Variants in COL6A3 observed in about 807,000 individuals in gnomAD.
COL6A3 encodes collagen alpha-3(VI) chain.
A neutral mutation model predicts 274.1 loss-of-function variants in COL6A3; 137 were observed. That is an observed-to-expected ratio of 0.50 (90% CI 0.44 to 0.58). The LOEUF (loss-of-function observed/expected upper bound fraction) is 0.58. COL6A3 is among the 20% of genes least tolerant of loss of function. The pLI, the probability that COL6A3 is intolerant of heterozygous loss-of-function variation, is 0.00. For missense variants in COL6A3, 3,950 were observed against 4,124.9 expected (o/e 0.96, Z 1.16); for synonymous variants, 1,650 against 1,650.6 (o/e 1.00, Z 0.01).
chr2:237,375,401 T>C (rs1377216571), intron 7 of COL6A3, among the ~76,000 whole-genome samples: 3 of 152,204 alleles, frequency 2.0e-5, no homozygotes, highest in African/African-American at 4.8e-5. Context: ...GGTGAGCAGA[T>C]GAAGAATCCC....
In COL6A3 at chr2:237,374,780, G is replaced by A. The variant is rs371991808; in HGVS notation, c.3311C>T (p.Pro1104Leu). Residue 1104 changes from proline to leucine, a missense_variant, in exon 8 of 44, where the codon CCG (proline) becomes CTG (leucine). Physicochemically the swap from Pro to Leu is moderately conservative, Grantham distance 98 (BLOSUM62 -3). Coordinates refer to ENST00000295550, the MANE Select transcript of COL6A3 (RefSeq NM_004369.4). The surrounding 1 kb of genome is among the most constrained non-coding windows in gnomAD (Gnocchi z 4.8). ...AVRQLTLLGGPTPNTGAALEF... is the reference protein window; with the variant it reads ...AVRQLTLLGGLTPNTGAALEF... ...CAGGGCGGCCCCGGTGTTGGGGGTCGGCCCTCCCAGCAGGGTCAGCTGGCG... is the reference window on the plus strand; with the variant it reads ...CAGGGCGGCCCCGGTGTTGGGGGTCAGCCCTCCCAGCAGGGTCAGCTGGCG... 1.9e-5 allele frequency: 30 copies of A among 1,613,842 alleles called. No homozygotes were observed. The highest frequency in any genetic ancestry group is 6.7e-5 in the African/African-American group (5 of 74,890).
At position 237,378,777 on chromosome 2, in the gene COL6A3, G is replaced by A. The variant is rs770884081; in HGVS notation, c.2356C>T (p.Leu786Phe). The change falls in exon 6 of 44, where the codon CTT becomes TTT. Residue 786 changes from leucine (L) to phenylalanine (F), a missense_variant. Transcript: ENST00000295550. ...CTTGGGTTAAAAGCAATCTGCTCAA[G>A]CTCTGCCTTATTCGCCTGGCTAGCT... ...VGASQANKAE[L>F]EQIAFNPSLV... The A allele has an allele frequency of 6.2e-7, 1 of 1,614,122 alleles. No individual in the cohort carries two copies. The highest frequency in any genetic ancestry group is 8.5e-7 in the Non-Finnish European group (1 of 1,180,058).
At chr2:237,389,683 C>G (rs1482587768) in intron 3 of COL6A3, among the ~76,000 whole-genome samples, 3 of 152,182 alleles carry the variant, frequency 2.0e-5, no homozygotes, top group African/African-American at 7.2e-5. Flanking sequence ...CGGAACTGCC[C>G]TCTTCCCTTC....
intron 6 of COL6A3, among the ~76,000 whole-genome samples, chr2:237,378,093 A>C (rs557019671): frequency 2.5e-4 from 38 of 152,354 alleles, no homozygotes; most frequent in Non-Finnish European, 1.6e-4. Flanking sequence ...TGATACAACC[A>C]TATCTTACCA....
intron 2 of COL6A3, among the ~76,000 whole-genome samples, chr2:237,395,481 C>T (rs1237339843): frequency 1.3e-5 from 2 of 152,166 alleles, no homozygotes; most frequent in African/African-American, 4.8e-5. Flanking sequence ...GAAACAATTT[C>T]CTGGGCTGTC....
Position 237,367,039 on chromosome 2 carries a change from G to A in COL6A3, c.5148C>T (p.His1716=), listed in dbSNP as rs114845780. The A allele has an allele frequency of 2.7e-5, 43 of 1,614,220 alleles. No homozygotes were observed. The Admixed American group carries it at 3.3e-4, about 13-fold the overall frequency. The change falls in exon 11 of 44, where the codon CAC becomes CAT. Residue 1716 remains histidine, a synonymous_variant. Coordinates refer to ENST00000295550, the MANE Select transcript of COL6A3 (RefSeq NM_004369.4). ...GCTCAAGGCCCACCTTAGTGTTGGC[G>A]TGTCTTCCCCCTTTGTAGACCACTT... ...INKVVYKGGR[H]ANTKVGLEHL...
At chr2:237,381,575 A>G in intron 4 of COL6A3, 76 bp from the exon 5 acceptor site, 1 of 1,233,030 alleles carries the variant, frequency 8.1e-7, no homozygotes, top group East Asian at 2.5e-5. Context: ...AACAAAGCTA[A>G]CTCCATTTAA....
chr2:237,374,983 G>A lies in COL6A3; in HGVS notation c.3108C>T (p.Gly1036=). The A allele has an allele frequency of 1.9e-6, 3 of 1,613,926 alleles. No homozygotes were observed. The highest frequency in any genetic ancestry group is 1.1e-5 in the South Asian group (1 of 91,082). The stretch of plus-strand genomic sequence containing the variant: ...GGAAGCCGCTCCTGACGCCCTCAGA[G>A]CCATCAAGCAGAAACACCACGTCCT... ...GEKDVVFLLD[G]SEGVRSGFPL... is the part of the protein sequence containing the mutation. The change falls in exon 8 of 44, where the codon GGC becomes GGT. Residue 1036 remains glycine, a synonymous_variant. Transcript: ENST00000295550. This position sits in a 1 kb window ranked among gnomAD's most constrained non-coding sequence, Gnocchi z 4.8.
At position 237,365,818 on chromosome 2, in the gene COL6A3, G is replaced by A. The variant is rs200999503; in HGVS notation, c.5718C>T (p.Tyr1906=). ...GGAACTTCTCGAGCATCTCTGGCTG[G>A]TACTCGTCAAAGTCAAAGGCCTCCA... ...GPVEAFDFDE[Y]QPEMLEKFRN... The change falls in exon 12 of 44, where the codon TAC becomes TAT. Residue 1906 remains tyrosine, a synonymous_variant. Transcript: ENST00000295550. 1.9e-6 allele frequency: 3 copies of A among 1,614,190 alleles called. No individual in the cohort carries two copies. Among genetic ancestry groups the A allele is most frequent in the African/African-American group, 1.3e-5 (1 of 75,054 alleles).
At chr2:237,366,544 G>T in intron 11 of COL6A3, 143 bp downstream of exon 11, 1 of 1,224,296 alleles carries the variant, frequency 8.2e-7, no homozygotes, top group Non-Finnish European at 1.2e-6. Flanking sequence ...GTGGGTGTCA[G>T]GACCAGTCCC....
At chr2:237,338,502 C>T (rs868331101) in intron 39 of COL6A3, among the ~76,000 whole-genome samples, 36 of 152,166 alleles carry the variant, frequency 2.4e-4, no homozygotes, top group African/African-American at 8.2e-4. Flanking sequence ...GTGGCTCATG[C>T]TTATAATCCC....
Position 237,369,025 on chromosome 2 carries a change from A to T in COL6A3, c.4438T>A (p.Phe1480Ile), listed in dbSNP as rs2077622462. Residue 1480 changes from phenylalanine (F) to isoleucine (I), a missense_variant, in exon 10 of 44, where the codon TTC (phenylalanine) becomes ATC (isoleucine). Around this residue, in one of 5 missense-constraint regions of COL6A3, gnomAD observed 1,934 missense variants for 1,984.3 expected, o/e 0.97. Coordinates refer to ENST00000295550, the MANE Select transcript of COL6A3 (RefSeq NM_004369.4). ...AATTCTGGGAAGACATCATTGCTGA[A>T]CTGCACGACCCCAACTCTCACTTTA... ...PSKVRVGVVQ[F>I]SNDVFPEFYL... 6.8e-6 allele frequency: 11 copies of T among 1,614,184 alleles called. No individual in the cohort carries two copies. Among genetic ancestry groups the T allele is most frequent in the Non-Finnish European group, 9.3e-6 (11 of 1,180,030 alleles).
At chr2:237,325,488 A>G in intron 43 of COL6A3, 72 bp downstream of exon 43, 1 of 1,519,968 alleles carries the variant, frequency 6.6e-7, no homozygotes, top group Non-Finnish European at 9.1e-7. Flanking sequence ...CACTTCTAAT[A>G]TTTTTCAAGG....
chr2:237,361,956 A>G lies in COL6A3; in HGVS notation c.6064-125T>C, dbSNP rs1207382554. 3.5e-6 allele frequency: 3 copies of G among 854,752 alleles called. No individual in the cohort carries two copies. In the African/African-American group the frequency reaches 5.0e-5, roughly 14 times the overall value. 52.9% of individuals were successfully genotyped at this position (854,752 alleles called of 1,614,324 possible). On this transcript the variant is annotated intron_variant, in intron 14 of 43. Transcript: ENST00000295550. The surrounding 1 kb of genome is among the most constrained non-coding windows in gnomAD (Gnocchi z 5.1). The stretch of plus-strand genomic sequence containing the variant: ...TCACGGTGTGAGATGAAGTCCCTCC[A>G]GGTGACATTTGCTGGACGACTGACG...
chr2:237,362,914 C>G (rs766316835), intron 14 of COL6A3, among the ~76,000 whole-genome samples: 20 of 152,128 alleles, frequency 1.3e-4, no homozygotes, highest in Non-Finnish European at 2.2e-4. Context: ...GACACAGTTT[C>G]CAATTGGAGG....
chr2:237,331,283 T>C (rs1700210605), intron 42 of COL6A3, among the ~76,000 whole-genome samples: 1 of 152,032 alleles, frequency 6.6e-6, no homozygotes, highest in Non-Finnish European at 1.5e-5. Flanking sequence ...TAAAGAGTGG[T>C]TCATTGTCAC....
intron 13 of COL6A3, among the ~76,000 whole-genome samples, chr2:237,363,827 A>T (rs771684438): frequency 1.3e-5 from 2 of 152,240 alleles, no homozygotes; most frequent in Admixed American, 1.3e-4. Context: ...AATGGCATCC[A>T]CTTTCTGATA....
Position 237,378,775 on chromosome 2 carries a change from A to G in COL6A3, c.2358T>C (p.Leu786=), listed in dbSNP as rs1429868587. The change falls in exon 6 of 44, where the codon CTT becomes CTC. Residue 786 remains leucine, a synonymous_variant. Transcript: ENST00000295550. Reference sequence around the variant, plus strand: ...GGCTTGGGTTAAAAGCAATCTGCTCAAGCTCTGCCTTATTCGCCTGGCTAG... The same window carrying G: ...GGCTTGGGTTAAAAGCAATCTGCTCGAGCTCTGCCTTATTCGCCTGGCTAG... ...VGASQANKAE[L]EQIAFNPSLV... is the part of the protein sequence containing the mutation. 2 of 1,614,246 alleles carry G rather than the reference A, an allele frequency of 1.2e-6. No individual in the cohort carries two copies. Among genetic ancestry groups the G allele is most frequent in the Non-Finnish European group, 1.7e-6 (2 of 1,180,034 alleles).
chr2:237,385,877 GA>G (rs751131628), intron 4 of COL6A3, among the ~76,000 whole-genome samples: 5 of 152,148 alleles, frequency 3.3e-5, no homozygotes, highest in Non-Finnish European at 5.9e-5. Context: ...TCATCTGGAG[GA>G]TTTGGGCCAA....
Sources: gnomAD v4.1 joint callset for allele counts (sites outside exome capture counted in the v4.1 genomes callset) on GRCh38, gnomAD v4.1.1 for gene constraint, gnomAD v4.1.1 regional missense constraint, Gnocchi (gnomAD v3.1) non-coding constraint, MANE v1.5 for transcripts, NCBI Gene and HGNC (gene_info 2026-07-23, HGNC 2026-07-21) for gene names.